FKBP5: variants seen among roughly 807,000 people sequenced by gnomAD.
FKBP5 encodes FKBP prolyl isomerase 5, also known as peptidyl-prolyl cis-trans isomerase FKBP5.
In FKBP5, 23 loss-of-function variants were observed where a neutral mutation model predicts 50.5. The observed-to-expected ratio is 0.46, with a 90% CI of 0.33 to 0.65. The LOEUF is 0.65. FKBP5 is among the 30% of genes least tolerant of loss of function. FKBP5 has a pLI of 0.02. For missense variants in FKBP5, 411 were observed against 553.1 expected (o/e 0.74, Z 2.58); for synonymous variants, 176 against 190.6 (o/e 0.92, Z 0.63).
chr6:35,699,969 C>A (rs755307212), intron 2 of FKBP5, among the ~76,000 whole-genome samples: 1 of 151,808 alleles, frequency 6.6e-6, no homozygotes, highest in Non-Finnish European at 1.5e-5. Flanking sequence ...ATAGATTGAA[C>A]CCAGGAGGCA....
At chr6:35,584,875 A>G (rs1762554283) in intron 8 of FKBP5, 2 of 985,448 alleles carry the variant, frequency 2.0e-6, no homozygotes, top group East Asian at 2.3e-4. Flanking sequence ...TAGGTTCATA[A>G]TAGTATCACT....
At chr6:35,699,326 C>T (rs937411828) in intron 2 of FKBP5, among the ~76,000 whole-genome samples, 1 of 152,214 alleles carries the variant, frequency 6.6e-6, no homozygotes, top group Non-Finnish European at 1.5e-5. Context: ...TTAAGGTTTA[C>T]ATCTGTAACT....
At chr6:35,649,241 ACT>A (rs1210123589) in intron 1 of FKBP5, among the ~76,000 whole-genome samples, 105 of 132,216 alleles carry the variant, frequency 7.9e-4, no homozygotes, top group African/African-American at 2.5e-3. Context: ...ACAGAGCAAG[ACT>A]CTGTCTAAAA....
At chr6:35,705,563 C>T (rs1472719970) in intron 2 of FKBP5, among the ~76,000 whole-genome samples, 1 of 151,574 alleles carries the variant, frequency 6.6e-6, no homozygotes, top group East Asian at 1.9e-4. Context: ...CTGTGCCCGG[C>T]CTGCAAATAT....
intron 2 of FKBP5, among the ~76,000 whole-genome samples, chr6:35,641,656 G>C (rs1764493311): frequency 1.3e-5 from 2 of 152,110 alleles, no homozygotes; most frequent in African/African-American, 4.8e-5. Context: ...TATTCTAAGA[G>C]GAAATCGCAA....
chr6:35,582,377 C>G, intron 8 of FKBP5: 1 of 821,768 alleles, frequency 1.2e-6, no homozygotes, highest in Non-Finnish European at 1.5e-6. Context: ...GCAGATGGAG[C>G]ATTTGGGGAG....
chr6:35,686,136 T>C (rs1452999036), intron 1 of FKBP5, among the ~76,000 whole-genome samples: 1 of 152,192 alleles, frequency 6.6e-6, no homozygotes, highest in Non-Finnish European at 1.5e-5. Flanking sequence ...AAAGGAGTTA[T>C]ACCTGAGGGT....
At position 35,627,910 on chromosome 6, in the gene FKBP5, C is replaced by T. The variant is rs192185311; in HGVS notation, c.251-7636G>A. On this transcript the variant is annotated intron_variant, in intron 3 of 10. Coordinates refer to ENST00000357266, the MANE Select transcript of FKBP5 (RefSeq NM_004117.4). ...CCAAGTAGCTGGGATTATAGGCATG[C>T]GCCACCATGCCCAGCTAATTTTTTT... Among the ~76,000 whole-genome samples, 632 of 149,918 alleles carry T rather than the reference C, an allele frequency of 4.2e-3. 3 individuals are homozygous for T. Among genetic ancestry groups the T allele is most frequent in the African/African-American group, 0.014 (581 of 40,752 alleles).
chr6:35,616,412 C>T (rs1039077289), intron 5 of FKBP5, among the ~76,000 whole-genome samples: 1 of 149,702 alleles, frequency 6.7e-6, no homozygotes, highest in African/African-American at 2.5e-5. Context: ...TGGTGAAATT[C>T]AAATAAGATC....
chr6:35,657,270 C>T (rs778029238), intron 1 of FKBP5, among the ~76,000 whole-genome samples: 2 of 152,034 alleles, frequency 1.3e-5, no homozygotes, highest in Non-Finnish European at 2.9e-5. Flanking sequence ...TGAAATAATA[C>T]CAATTTATCA....
At chr6:35,685,773 G>A (rs1259584281) in intron 1 of FKBP5, among the ~76,000 whole-genome samples, 2 of 152,066 alleles carry the variant, frequency 1.3e-5, no homozygotes, top group East Asian at 1.9e-4. Context: ...CCTGAGGTCA[G>A]GAGTTCGAGA....
At chr6:35,678,314 T>TA (rs781434791) in intron 1 of FKBP5, among the ~76,000 whole-genome samples, 10 of 152,072 alleles carry the variant, frequency 6.6e-5, no homozygotes, top group African/African-American at 2.4e-4. Flanking sequence ...TTTCAAGACA[T>TA]AGACGAATAT....
In FKBP5 at chr6:35,577,117, G is replaced by C. The variant is rs1209430604; in HGVS notation, c.1143C>G (p.Asn381Lys). Residue 381 changes from asparagine (N) to lysine (K), a missense_variant, in exon 10 of 11, where the codon AAC becomes AAG. By Grantham distance (94) the Asn-to-Lys change is moderately conservative. Coordinates refer to ENST00000357266, the MANE Select transcript of FKBP5 (RefSeq NM_004117.4). ...KGDFEKVLEV[N>K]PQNKAARLQI... Reference sequence around the variant, plus strand: ...GCAGTCTTGCAGCCTTATTCTGGGGGTTTACTTCCAGCACTTTCTCAAAGT... The same window carrying C: ...GCAGTCTTGCAGCCTTATTCTGGGGCTTTACTTCCAGCACTTTCTCAAAGT... 6.2e-7 allele frequency: 1 copy of C among 1,614,054 alleles called. No homozygotes were observed. The highest frequency in any genetic ancestry group is 1.3e-5 in the African/African-American group (1 of 74,930).
upstream of FKBP5, among the ~76,000 whole-genome samples, chr6:35,691,207 A>C (rs1207998395): frequency 1.3e-5 from 2 of 152,102 alleles, no homozygotes; most frequent in African/African-American, 4.8e-5. Context: ...GGAAGGCGCC[A>C]AGGAAAGAGG....
Position 35,597,309 on chromosome 6 carries a change from T to C in FKBP5, c.604A>G (p.Ile202Val). Residue 202 changes from isoleucine (I) to valine (V), a missense_variant, in exon 6 of 11, where the codon ATT becomes GTT. Physicochemically the swap from Ile to Val is conservative, Grantham distance 29. Transcript: ENST00000357266. The part of the protein sequence containing the change: ...EGEDHDIPIG[I>V]DKALEKMQRE... ...TGCATTTTCTCCAGAGCTTTGTCAATTCCAATTGGAATGTCGTGGTCTTCT... is the reference window on the plus strand; with the variant it reads ...TGCATTTTCTCCAGAGCTTTGTCAACTCCAATTGGAATGTCGTGGTCTTCT... The C allele has an allele frequency of 6.2e-7, 1 of 1,614,188 alleles. No individual in the cohort carries two copies. Among genetic ancestry groups the C allele is most frequent in the Non-Finnish European group, 8.5e-7 (1 of 1,180,020 alleles).
At chr6:35,596,965 T>C (rs968204724) in intron 6 of FKBP5, among the ~76,000 whole-genome samples, 2 of 152,152 alleles carry the variant, frequency 1.3e-5, no homozygotes, top group Non-Finnish European at 2.9e-5. Flanking sequence ...GAGGGGTCCA[T>C]AGCTGCCTGT....
At chr6:35,716,654 GA>G (rs1255656304) in intron 2 of FKBP5, among the ~76,000 whole-genome samples, 1 of 152,132 alleles carries the variant, frequency 6.6e-6, no homozygotes, top group Non-Finnish European at 1.5e-5. Context: ...GACTGCCGCT[GA>G]ATTGGATTTA....
At chr6:35,589,040 ATATAAG>A (rs1762709251) in intron 7 of FKBP5, among the ~76,000 whole-genome samples, 1 of 146,962 alleles carries the variant, frequency 6.8e-6, no homozygotes, top group Non-Finnish European at 1.5e-5. Flanking sequence ...CATGCCTGGA[ATATAAG>A]TATGTGTGTG....
intron 2 of FKBP5, among the ~76,000 whole-genome samples, 157 bp downstream of exon 2, chr6:35,642,563 C>T (rs12110366): frequency 0.073 from 11,062 of 152,182 alleles, 799 homozygotes; most frequent in African/African-American, 0.2. Context: ...TAAAAAAAAC[C>T]TTGAAGTTAT....
Sources: gnomAD v4.1 joint callset for allele counts (sites outside exome capture counted in the v4.1 genomes callset) on GRCh38, gnomAD v4.1.1 for gene constraint, MANE v1.5 for transcripts, NCBI Gene and HGNC (gene_info 2026-07-23, HGNC 2026-07-21) for gene names.